BIVM: variants seen among roughly 807,000 people sequenced by gnomAD.
The protein encoded by BIVM is basic, immunoglobulin-like variable motif containing.
Under a neutral mutation model 61.4 loss-of-function variants are expected in BIVM, and 31 were observed. That is an observed-to-expected ratio of 0.51 (90% CI 0.38 to 0.68). The LOEUF is 0.68. BIVM is among the 30% of genes least tolerant of loss of function. BIVM has a pLI of 0.00. For missense variants in BIVM, 526 were observed against 596.0 expected, an observed-to-expected ratio of 0.88 and a Z score of 1.22; for synonymous variants, 189 against 210.7, an observed-to-expected ratio of 0.90 and a Z score of 0.89.
In BIVM at chr13:102,841,506, CAAAT is replaced by C. The variant is rs1297414876; in HGVS notation, c.*1645_*1648del. 1.3e-5 allele frequency: 2 copies of C among 152,528 alleles called. No individual in the cohort carries two copies. Among genetic ancestry groups the C allele is most frequent in the African/African-American group, 2.4e-5 (1 of 41,424 alleles). 9.4% of individuals were successfully genotyped at this position (152,528 alleles called of 1,614,324 possible). A position where few individuals can be genotyped will look rare whatever the true frequency, so the allele number is the denominator to read the frequency against. ...ACTGGAACTTTTAAAAAGATTTCATCAAATAAAGTTTTGTTTTCTACTTTTAATT... is the reference window on the plus strand; with the variant it reads ...ACTGGAACTTTTAAAAAGATTTCATCAAAGTTTTGTTTTCTACTTTTAATT... On this transcript the variant is annotated 3_prime_UTR_variant, in exon 11 of 11. Coordinates refer to ENST00000257336, the MANE Select transcript of BIVM (RefSeq NM_017693.4).
intron 7 of BIVM, among the ~76,000 whole-genome samples, chr13:102,826,098 G>A (rs1330604644): frequency 2.0e-5 from 3 of 152,178 alleles, no homozygotes; most frequent in Non-Finnish European, 2.9e-5. Context: ...TTGGGGTTAC[G>A]AAACTTCTAA....
chr13:102,830,927 C>A (rs959272191), intron 7 of BIVM, among the ~76,000 whole-genome samples: 1 of 152,122 alleles, frequency 6.6e-6, no homozygotes, highest in Non-Finnish European at 1.5e-5. Flanking sequence ...CCTCCCAGCA[C>A]GCAGGCCAGC....
chr13:102,816,394 A>G, intron 3 of BIVM, 34 bp from the exon 4 acceptor site: 1 of 1,509,922 alleles, frequency 6.6e-7, no homozygotes, highest in Non-Finnish European at 8.8e-7. Context: ...CTTCATCTTA[A>G]GCATTTTGCT....
At chr13:102,822,990 A>T (rs1411785253) in intron 7 of BIVM, among the ~76,000 whole-genome samples, 2 of 152,128 alleles carry the variant, frequency 1.3e-5, no homozygotes, top group Non-Finnish European at 2.9e-5. Context: ...GGTCAAGGGT[A>T]TGGGGATTCT....
intron 7 of BIVM, among the ~76,000 whole-genome samples, chr13:102,825,380 G>A (rs1486242267): frequency 1.3e-5 from 2 of 152,192 alleles, no homozygotes; most frequent in African/African-American, 2.4e-5. Flanking sequence ...TTACAGGCAT[G>A]AGCTACTGTG....
intron 1 of BIVM, among the ~76,000 whole-genome samples, chr13:102,800,068 C>T (rs1878642538): frequency 6.6e-6 from 1 of 152,214 alleles, no homozygotes; most frequent in Non-Finnish European, 1.5e-5. Flanking sequence ...TGCCAGCTGC[C>T]CCGAAAACCC....
In BIVM at chr13:102,816,411, A is replaced by C. The variant is rs1293678009; in HGVS notation, c.479-17A>C. ...TCATCTTAAGCATTTTGCTTATTTT[A>C]TACTCTTGTATTCTAGGCAATGCAA... On this transcript the variant is annotated splice_polypyrimidine_tract_variant and intron_variant, in intron 3 of 10. Transcript: ENST00000257336. 2 of 1,540,452 alleles carry C rather than the reference A, an allele frequency of 1.3e-6. No individual in the cohort carries two copies. Among genetic ancestry groups the C allele is most frequent in the South Asian group, 2.5e-5 (2 of 78,466 alleles).
intron 7 of BIVM, among the ~76,000 whole-genome samples, chr13:102,828,377 AG>A (rs905500430): frequency 1.2e-4 from 18 of 152,108 alleles, no homozygotes; most frequent in African/African-American, 4.3e-4. Context: ...TCATGTATTT[AG>A]TTTTTTCTAG....
rs978001403 is a variant in BIVM, at chr13:102,807,036, G to A, written c.-122-110G>A. On this transcript the variant is annotated intron_variant, in intron 2 of 10. Transcript: ENST00000257336. The surrounding 1 kb of genome is among the most constrained non-coding windows in gnomAD (Gnocchi z 4.0). ...TTGTGACTCCAGTCATATAGTAGTT[G>A]TAAAATTAATATAGAATGAAGGCAT... 2.0e-5 allele frequency: 8 copies of A among 409,578 alleles called. No individual in the cohort carries two copies. Among genetic ancestry groups the A allele is most frequent in the African/African-American group, 1.6e-4 (8 of 49,834 alleles). The allele number at this position is 409,578 out of a possible 1,614,324, so 25.4% of individuals were successfully genotyped here. A position where few individuals can be genotyped will look rare whatever the true frequency, so the allele number is the denominator to read the frequency against.
intron 9 of BIVM, among the ~76,000 whole-genome samples, chr13:102,835,744 G>A (rs553800762): frequency 2.0e-5 from 3 of 152,318 alleles, no homozygotes; most frequent in South Asian, 2.1e-4. Flanking sequence ...TGTTGGCCAG[G>A]CTGGTCTCAA....
intron 7 of BIVM, among the ~76,000 whole-genome samples, chr13:102,827,786 C>T (rs577672789): frequency 1.3e-5 from 2 of 152,268 alleles, no homozygotes; most frequent in African/African-American, 2.4e-5. Context: ...ATATGATGCC[C>T]ACGACATTAC....
At chr13:102,808,726 CAG>C (rs1261214886) in intron 3 of BIVM, among the ~76,000 whole-genome samples, 6 of 151,954 alleles carry the variant, frequency 3.9e-5, no homozygotes, top group South Asian at 2.1e-4. Flanking sequence ...TGAGGATTTT[CAG>C]AGAGATATTA....
chr13:102,804,617 G>T (rs1445248717), intron 1 of BIVM, among the ~76,000 whole-genome samples: 1 of 151,504 alleles, frequency 6.6e-6, no homozygotes, highest in Non-Finnish European at 1.5e-5. Context: ...GGCCCTTACT[G>T]TCTGGCTAAT....
In BIVM at chr13:102,839,425, G is replaced by C. The variant is rs576498535; in HGVS notation, c.1219-147G>C. On this transcript the variant is annotated intron_variant, in intron 10 of 10. Transcript: ENST00000257336. ...AAGGCAGCTGTTAGAAAAGGTGCAG[G>C]ATGAGGTGCTCTGATGATGCCTGGA... 9 of 1,090,670 alleles carry C rather than the reference G, an allele frequency of 8.3e-6. No homozygotes were observed. In the Admixed American group the frequency reaches 2.0e-4, roughly 24 times the overall value. The allele number at this position is 1,090,670 out of a possible 1,614,324, so 67.6% of individuals were successfully genotyped here.
At chr13:102,802,692 G>GCAAACAAACTAAAAACA (rs1301798891) in intron 1 of BIVM, among the ~76,000 whole-genome samples, 7 of 149,810 alleles carry the variant, frequency 4.7e-5, no homozygotes, top group Non-Finnish European at 8.9e-5. Context: ...TTATTTAAAA[G>GCAAACAAACTAAAAACA]CAAACAAACT....
chr13:102,838,508 A>G (rs759487935), intron 9 of BIVM, 135 bp from the exon 10 acceptor site: 20 of 685,718 alleles, frequency 2.9e-5, no homozygotes, highest in Non-Finnish European at 4.3e-5. Flanking sequence ...AGTAGATGAA[A>G]CAATGTTGAG....
intron 9 of BIVM, among the ~76,000 whole-genome samples, chr13:102,837,928 A>T (rs1383919808): frequency 1.3e-5 from 2 of 152,204 alleles, no homozygotes; most frequent in Non-Finnish European, 2.9e-5. Flanking sequence ...TGAGAGATAA[A>T]AGACTACATA....
chr13:102,824,025 C>T (rs1027829662), intron 7 of BIVM, among the ~76,000 whole-genome samples: 1 of 152,190 alleles, frequency 6.6e-6, no homozygotes, highest in Non-Finnish European at 1.5e-5. Flanking sequence ...TGAATGTTTA[C>T]TTCCACAGGA....
intron 7 of BIVM, among the ~76,000 whole-genome samples, chr13:102,823,279 G>T (rs1452414680): frequency 6.6e-6 from 1 of 152,218 alleles, no homozygotes; most frequent in Non-Finnish European, 1.5e-5. Context: ...ATATATTTCT[G>T]TTGACCTATA....
Sources: allele counts gnomAD v4.1 joint callset (sites outside exome capture counted in the v4.1 genomes callset), GRCh38; gene constraint gnomAD v4.1.1; non-coding constraint Gnocchi (gnomAD v3.1); transcripts MANE v1.5; gene names NCBI Gene and HGNC (gene_info 2026-07-23, HGNC 2026-07-21).